The following TET2 variants were observed in gnomAD, a reference collection of about 807,000 sequenced individuals.
TET2 encodes methylcytosine dioxygenase TET2.
A neutral mutation model predicts 142.9 loss-of-function variants in TET2; 299 were observed. The observed-to-expected ratio is 2.09, with a 90% CI of 1.90 to 2.30. The LOEUF (loss-of-function observed/expected upper bound fraction) is 2.30. TET2 is among the 30% of genes most tolerant of loss of function. The pLI, the probability that TET2 is intolerant of heterozygous loss-of-function variation, is 0.00. For synonymous variants in TET2, 819 were observed against 849.0 expected, an observed-to-expected ratio of 0.96 and a Z score of 0.61; for missense variants, 2,418 against 2,378.0, an observed-to-expected ratio of 1.02 and a Z score of -0.35.
chr4:105,252,528 T>C (rs1203071335), intron 6 of TET2, among the ~76,000 whole-genome samples: 1 of 152,178 alleles, frequency 6.6e-6, no homozygotes, highest in Non-Finnish European at 1.5e-5. Context: ...TTTGAGTAAA[T>C]AACACAGAGC....
chr4:105,155,963 G>GA (rs1344937353), intron 1 of TET2, among the ~76,000 whole-genome samples: 2 of 152,180 alleles, frequency 1.3e-5, no homozygotes, highest in African/African-American at 4.8e-5. Context: ...GATGGTTATG[G>GA]AAAGCAGTAA....
Position 105,237,125 on chromosome 4 carries a change from A to G in TET2, c.3183A>G (p.Pro1061=), listed in dbSNP as rs200998980. The change falls in exon 3 of 11, where the codon CCA becomes CCG. Residue 1061 remains proline, a synonymous_variant. Transcript: ENST00000380013. ...AAGTAAAAGTTGAAATGTCAGGGCC[A>G]GTCACAGTTTTGACTAGACAAACCA... ...QKQVKVEMSG[P]VTVLTRQTTA... is the part of the protein sequence containing the mutation. The G allele has an allele frequency of 1.1e-5, 17 of 1,614,182 alleles. No individual in the cohort carries two copies. The highest frequency in any genetic ancestry group is 2.7e-5 in the African/African-American group (2 of 75,062).
chr4:105,152,608 T>C (rs1037854783), intron 1 of TET2, among the ~76,000 whole-genome samples: 1 of 148,126 alleles, frequency 6.8e-6, no homozygotes, highest in African/African-American at 2.5e-5. Flanking sequence ...CTTTTTTTTT[T>C]TTTTTTTGAG....
At chr4:105,203,870 T>G (rs1041054895) in intron 2 of TET2, among the ~76,000 whole-genome samples, 2 of 152,150 alleles carry the variant, frequency 1.3e-5, no homozygotes, top group African/African-American at 4.8e-5. Flanking sequence ...CTCCCACCCC[T>G]GTTTTTTAAT....
chr4:105,156,874 T>G (rs1723592991), intron 1 of TET2, among the ~76,000 whole-genome samples: 1 of 152,190 alleles, frequency 6.6e-6, no homozygotes, highest in Admixed American at 6.5e-5. Context: ...TCTTATTAAT[T>G]TTTTTAACCT....
chr4:105,261,994 C>A, intron 8 of TET2, 146 bp downstream of exon 8: 1 of 577,844 alleles, frequency 1.7e-6, no homozygotes, highest in Non-Finnish European at 3.0e-6. Context: ...TGTTCAGTTT[C>A]GAGTATATAA....
At position 105,278,400 on chromosome 4, in the gene TET2, ATTG is replaced by A. The variant is rs1305086340; in HGVS notation, c.*1884_*1886del. ...CATTTTTTTCCAAGTCCTTTTTTTT[ATTG>A]TTAAAAAAAAAAGCATACCTTTTTT... On this transcript the variant is annotated 3_prime_UTR_variant, in exon 11 of 11. Coordinates refer to ENST00000380013, the MANE Select transcript of TET2 (RefSeq NM_001127208.3). 4.7e-6 allele frequency: 1 copy of A among 211,254 alleles called. No individual in the cohort carries two copies. Among genetic ancestry groups the A allele is most frequent in the Admixed American group, 6.0e-5 (1 of 16,780 alleles). 13.1% of individuals were successfully genotyped at this position (211,254 alleles called of 1,614,324 possible).
chr4:105,182,547 A>T (rs907768407), intron 1 of TET2, among the ~76,000 whole-genome samples: 2 of 152,246 alleles, frequency 1.3e-5, no homozygotes, highest in African/African-American at 4.8e-5. Context: ...ATTTTGCAGA[A>T]TGCATAGTTT....
intron 6 of TET2, among the ~76,000 whole-genome samples, chr4:105,251,023 T>G (rs1047688417): frequency 2.0e-5 from 3 of 152,222 alleles, no homozygotes; most frequent in Non-Finnish European, 4.4e-5. Context: ...TTTTTTATCC[T>G]ATTGCAAAAT....
Position 105,275,277 on chromosome 4 carries a change from T to C in TET2, c.4767T>C (p.Tyr1589=). ...YPNSSHTSDI[Y]GSTSPMNFYS... is the part of the protein sequence containing the mutation. Reference sequence around the variant, plus strand: ...ACTCTTCACACACTTCAGATATCTATGGAAGCACCAGCCCTATGAACTTCT... The same window carrying C: ...ACTCTTCACACACTTCAGATATCTACGGAAGCACCAGCCCTATGAACTTCT... Residue 1589 remains tyrosine (Y), a synonymous_variant, in exon 11 of 11, where the codon TAT becomes TAC. Coordinates refer to ENST00000380013, the MANE Select transcript of TET2 (RefSeq NM_001127208.3). 1 of 1,552,292 alleles carries C rather than the reference T, an allele frequency of 6.4e-7. No individual in the cohort carries two copies. The highest frequency in any genetic ancestry group is 8.7e-7 in the Non-Finnish European group (1 of 1,147,110).
At chr4:105,190,637 G>A in intron 2 of TET2, 132 bp downstream of exon 2, 1 of 587,826 alleles carries the variant, frequency 1.7e-6, no homozygotes, top group Non-Finnish European at 3.0e-6. Flanking sequence ...TATTGTCTAT[G>A]CTTAGGACAC....
chr4:105,174,211 A>G (rs1724645699), intron 1 of TET2, among the ~76,000 whole-genome samples: 1 of 152,194 alleles, frequency 6.6e-6, no homozygotes, highest in Non-Finnish European at 1.5e-5. Flanking sequence ...GATAGATCTT[A>G]AAAGATATTT....
chr4:105,253,094 C>T (rs532948577), intron 6 of TET2, among the ~76,000 whole-genome samples: 1 of 152,188 alleles, frequency 6.6e-6, no homozygotes, highest in Admixed American at 6.5e-5. Context: ...TTTTCTCCTT[C>T]AGTATTGAGT....
chr4:105,147,593 C>G, intron 1 of TET2: 1 of 151,730 alleles, frequency 6.6e-6, no homozygotes, highest in Non-Finnish European at 1.5e-5. Flanking sequence ...TTCCTTAAGT[C>G]CGCGCGTTTT....
At chr4:105,258,816 A>ATGTT (rs1328549678) in intron 6 of TET2, among the ~76,000 whole-genome samples, 2 of 152,132 alleles carry the variant, frequency 1.3e-5, no homozygotes, top group Non-Finnish European at 2.9e-5. Flanking sequence ...GCTTACTTGT[A>ATGTT]TGTTTGTTTA....
intron 2 of TET2, among the ~76,000 whole-genome samples, chr4:105,222,070 T>C (rs1276921731): frequency 6.6e-6 from 1 of 151,396 alleles, no homozygotes; most frequent in African/African-American, 2.4e-5. Context: ...CTGCATAGTA[T>C]TCCATGGTGT....
intron 3 of TET2, chr4:105,240,968 C>T: frequency 9.2e-7 from 1 of 1,084,076 alleles, no homozygotes. Context: ...AATAGGTAGG[C>T]TTCCAGTTAG....
chr4:105,246,478 G>A (rs377361575), intron 6 of TET2, among the ~76,000 whole-genome samples: 2 of 152,080 alleles, frequency 1.3e-5, no homozygotes, highest in Admixed American at 6.5e-5. Flanking sequence ...TAGTTTCAAG[G>A]TAAAGATGAA....
At chr4:105,244,586 G>T (rs7669841) in intron 6 of TET2, among the ~76,000 whole-genome samples, 17,081 of 66,168 alleles carry the variant, frequency 0.26, 2,799 homozygotes, top group African/African-American at 0.3. Context: ...ACACAGAAAT[G>T]TTTTTTTTTT....
Sources: gnomAD v4.1 joint callset for allele counts (sites outside exome capture counted in the v4.1 genomes callset) on GRCh38, gnomAD v4.1.1 for gene constraint, MANE v1.5 for transcripts, NCBI Gene and HGNC (gene_info 2026-07-23, HGNC 2026-07-21) for gene names.